The following CNST variants were observed in gnomAD, a reference collection of about 807,000 sequenced individuals.
The protein encoded by CNST is consortin.
In CNST, 39 loss-of-function variants were observed where a neutral mutation model predicts 72.4. The observed-to-expected ratio is 0.54, with a 90% CI of 0.42 to 0.70. The LOEUF (loss-of-function observed/expected upper bound fraction) is 0.70. Ranked by LOEUF, CNST falls within the 30% of genes least tolerant of loss-of-function variation. The pLI is 0.00. For synonymous variants in CNST, 332 were observed against 320.1 expected (o/e 1.04, Z -0.40); for missense variants, 871 against 868.5 (o/e 1.00, Z -0.04).
chr1:246,649,105 T>G (rs73134619), intron 9 of CNST, among the ~76,000 whole-genome samples: 20 of 152,120 alleles, frequency 1.3e-4, no homozygotes, highest in African/African-American at 4.8e-4. Context: ...ATTCTCTTAT[T>G]TTAACCAGAC....
intron 3 of CNST, among the ~76,000 whole-genome samples, chr1:246,631,604 T>C (rs1664777121): frequency 6.6e-6 from 1 of 152,222 alleles, no homozygotes. Context: ...TTCTTTAGAG[T>C]CCTAAACTCT....
At chr1:246,614,065 A>C (rs1376461646) in intron 2 of CNST, among the ~76,000 whole-genome samples, 1 of 152,006 alleles carries the variant, frequency 6.6e-6, no homozygotes, top group Non-Finnish European at 1.5e-5. Context: ...CATCAGTAAC[A>C]CTACAGGTTG....
At chr1:246,567,110 C>T (rs1016531504) in intron 1 of CNST, among the ~76,000 whole-genome samples, 2 of 150,142 alleles carry the variant, frequency 1.3e-5, no homozygotes, top group African/African-American at 4.9e-5. Flanking sequence ...TTCCATTCCT[C>T]TCTCTGGGCC....
intron 8 of CNST, among the ~76,000 whole-genome samples, chr1:246,645,423 A>AAT (rs762655117): frequency 1.9e-5 from 2 of 106,072 alleles, no homozygotes; most frequent in African/African-American, 7.0e-5. Context: ...AAAGGTTAAA[A>AAT]CTTTTTTTTT....
chr1:246,609,609 C>T (rs1202636431), intron 2 of CNST, among the ~76,000 whole-genome samples: 1 of 152,144 alleles, frequency 6.6e-6, no homozygotes, highest in Non-Finnish European at 1.5e-5. Flanking sequence ...GTCCTTCACC[C>T]TCCTTTCCAT....
chr1:246,593,333 C>CT (rs1290771055), intron 2 of CNST, among the ~76,000 whole-genome samples: 5 of 113,120 alleles, frequency 4.4e-5, no homozygotes, highest in African/African-American at 1.3e-4. Flanking sequence ...TTTTTTTTTT[C>CT]TTTTTTTTGA....
intron 2 of CNST, among the ~76,000 whole-genome samples, chr1:246,598,047 C>T (rs1000023305): frequency 6.6e-6 from 1 of 152,038 alleles, no homozygotes; most frequent in African/African-American, 2.4e-5. Context: ...GTGGCGTGCT[C>T]GTGGCTCAAA....
intron 2 of CNST, among the ~76,000 whole-genome samples, chr1:246,613,329 G>A (rs1389866993): frequency 6.6e-6 from 1 of 152,088 alleles, no homozygotes; most frequent in African/African-American, 2.4e-5. Context: ...TTTCCTCAGG[G>A]TGTGTTGGTG....
At chr1:246,568,091 G>C (rs1233471485) in intron 1 of CNST, among the ~76,000 whole-genome samples, 2 of 151,872 alleles carry the variant, frequency 1.3e-5, no homozygotes, top group Non-Finnish European at 2.9e-5. Context: ...ACTTGCTGCC[G>C]GGAGTTCGAA....
At position 246,647,888 on chromosome 1, in the gene CNST, C is replaced by T. The variant is rs146205996; in HGVS notation, c.1687C>T (p.Leu563Phe). The change falls in exon 9 of 11, where the codon CTT becomes TTT. Residue 563 changes from leucine to phenylalanine, a missense_variant. Transcript: ENST00000366513. Reference sequence around the variant, plus strand: ...ATGTTTAAAAGATACTGAAGATTCCCTTTCCTATGAAGATAACCAAGACGA... The same window carrying T: ...ATGTTTAAAAGATACTGAAGATTCCTTTTCCTATGAAGATAACCAAGACGA... ...EGCLKDTEDS[L>F]SYEDNQDDDS... The T allele has an allele frequency of 6.2e-4, 993 of 1,614,038 alleles. 2 individuals carry two copies. The African/African-American group carries it at 0.012, about 19-fold the overall frequency.
chr1:246,594,201 G>A (rs1195617534), intron 2 of CNST, among the ~76,000 whole-genome samples: 3 of 152,048 alleles, frequency 2.0e-5, no homozygotes, highest in African/African-American at 7.2e-5. Flanking sequence ...TTATTTTAGA[G>A]ACAGGATCAT....
At chr1:246,641,896 A>G in intron 7 of CNST, 45 bp from the exon 8 acceptor site, 1 of 1,487,680 alleles carries the variant, frequency 6.7e-7, no homozygotes, top group Non-Finnish European at 9.3e-7. Flanking sequence ...AGTTTAATAC[A>G]ACAGTTTCCC....
intron 8 of CNST, among the ~76,000 whole-genome samples, chr1:246,643,721 G>A (rs1333009996): frequency 6.6e-6 from 1 of 152,206 alleles, no homozygotes; most frequent in East Asian, 1.9e-4. Context: ...AGGGAGTATG[G>A]ACTAAATTCT....
chr1:246,592,032 G>T, intron 2 of CNST, 91 bp downstream of exon 2: 1 of 1,016,364 alleles, frequency 9.8e-7, no homozygotes, highest in Non-Finnish European at 1.4e-6. Flanking sequence ...CCTGCACCTT[G>T]CTTCTTTGCT....
chr1:246,575,631 C>T lies in CNST; in HGVS notation c.-52+8968C>T, dbSNP rs552477473. Reference sequence around the variant, plus strand: ...GTATGTAGGGCAGGGGGGATCTTTTCGGGGTGATAAGATGTTCTAGAATTG... The same window carrying T: ...GTATGTAGGGCAGGGGGGATCTTTTTGGGGTGATAAGATGTTCTAGAATTG... On this transcript the variant is annotated intron_variant, in intron 1 of 10. Coordinates refer to ENST00000366513, the MANE Select transcript of CNST (RefSeq NM_152609.3). Among the ~76,000 whole-genome samples the T allele has an allele frequency of 8.4e-4, 128 of 151,904 alleles. 1 individual carries two copies. Among genetic ancestry groups the T allele is most frequent in the African/African-American group, 2.9e-3 (121 of 41,410 alleles).
Position 246,634,025 on chromosome 1 carries a change from A to C in CNST, c.703+15A>C. ...AGAACAGTGGGGTAAGTACAGACCA[A>C]CATGGAATGTGGAATTAGCAGTAAT... On this transcript the variant is annotated intron_variant, in intron 5 of 10. Coordinates refer to ENST00000366513, the MANE Select transcript of CNST (RefSeq NM_152609.3). 1 of 1,529,366 alleles carries C rather than the reference A, an allele frequency of 6.5e-7. No homozygotes were observed. Among genetic ancestry groups the C allele is most frequent in the Non-Finnish European group, 9.0e-7 (1 of 1,105,414 alleles). The allele number at this position is 1,529,366 out of a possible 1,614,324, so 94.7% of individuals were successfully genotyped here.
intron 1 of CNST, among the ~76,000 whole-genome samples, chr1:246,580,853 G>A (rs1423226313): frequency 6.6e-6 from 1 of 151,742 alleles, no homozygotes; most frequent in Non-Finnish European, 1.5e-5. Flanking sequence ...CGATTGCCCC[G>A]CCTCAGCTTC....
chr1:246,642,537 T>C (rs1023570160), intron 8 of CNST, among the ~76,000 whole-genome samples: 3 of 152,098 alleles, frequency 2.0e-5, no homozygotes, highest in Non-Finnish European at 4.4e-5. Context: ...CTTTAGTTTG[T>C]ATGTATACAT....
intron 6 of CNST, among the ~76,000 whole-genome samples, chr1:246,636,912 C>G (rs918849469): frequency 2.0e-5 from 3 of 152,110 alleles, no homozygotes; most frequent in African/African-American, 7.2e-5. Flanking sequence ...ATAACACTCA[C>G]AGCAGCTCTG....
Sources: gnomAD v4.1 joint callset for allele counts (sites outside exome capture counted in the v4.1 genomes callset) on GRCh38, gnomAD v4.1.1 for gene constraint, MANE v1.5 for transcripts, NCBI Gene and HGNC (gene_info 2026-07-23, HGNC 2026-07-21) for gene names.